ZMIZ1: variants seen among roughly 807,000 people sequenced by gnomAD.
ZMIZ1 encodes the protein zinc finger MIZ domain-containing protein 1.
A neutral mutation model predicts 113.9 loss-of-function variants in ZMIZ1; 17 were observed. The ratio of observed to expected loss-of-function variants is 0.15; its 90% CI spans 0.10 to 0.22. The LOEUF (loss-of-function observed/expected upper bound fraction) is 0.22, where lower values mean the gene tolerates loss of function less well. Ranked by LOEUF, ZMIZ1 falls within the 10% of genes least tolerant of loss-of-function variation. The pLI, the probability that ZMIZ1 is intolerant of heterozygous loss-of-function variation, is 1.00. For missense variants in ZMIZ1, 1,059 were observed against 1,477.8 expected, an observed-to-expected ratio of 0.72 and a Z score of 4.65; for synonymous variants, 607 against 603.1, an observed-to-expected ratio of 1.01 and a Z score of -0.09.
chr10:79,146,390 G>A (rs921533754), intron 3 of ZMIZ1, among the ~76,000 whole-genome samples: 6 of 152,172 alleles, frequency 3.9e-5, no homozygotes, highest in African/African-American at 7.2e-5. Flanking sequence ...AGGCAGAGCC[G>A]CTCCTGCTGA....
rs796775908 is a variant in ZMIZ1 at position 79,278,520 on chromosome 10, A to G, written c.425+1195A>G. ...TGGCAGGGTCATAGGACAATAGTGC[A>G]GGGAAGGTCAGCAGATAAACACGTG... is the stretch of plus-strand genomic sequence containing the variant. On this transcript the variant is annotated intron_variant, in intron 8 of 24. Transcript: ENST00000334512. Among the ~76,000 whole-genome samples the G allele has an allele frequency of 4.0e-5, 6 of 151,800 alleles. No individual in the cohort carries two copies. The South Asian group carries it at 8.3e-4, about 21-fold the overall frequency.
chr10:79,155,296 C>T lies in ZMIZ1; in HGVS notation c.-130-6757C>T, dbSNP rs529845029. On this transcript the variant is annotated intron_variant, in intron 3 of 24. Transcript: ENST00000334512. ...CTCTTTGATTGCTTGGAGGTGTTGG[C>T]TGGGGCAGTCGGGACAGCTTTCCCC... Among the ~76,000 whole-genome samples the T allele has an allele frequency of 6.2e-3, 948 of 152,318 alleles. 7 individuals are homozygous for T. Among genetic ancestry groups the T allele is most frequent in the Non-Finnish European group, 9.9e-3 (672 of 68,014 alleles).
rs1236510658 is a variant in ZMIZ1, at chr10:79,219,328, T to C, written c.280+3054T>C. ...CCCTGCTGGCACGTGCTGGGTGTTC[T>C]CATATGTTTTGTGGTGGTGCCAAGC... is the stretch of plus-strand genomic sequence containing the variant. On this transcript the variant is annotated intron_variant, in intron 7 of 24. Transcript: ENST00000334512. 3.3e-5 allele frequency among the ~76,000 whole-genome samples: 5 copies of C among 152,210 alleles called. No homozygotes were observed. In the South Asian group the frequency reaches 8.3e-4, roughly 25 times the overall value.
At chr10:79,272,122 T>TAC (rs976361928) in intron 7 of ZMIZ1, among the ~76,000 whole-genome samples, 6 of 151,932 alleles carry the variant, frequency 3.9e-5, no homozygotes, top group South Asian at 2.1e-4. Context: ...TATATATATA[T>TAC]ACACACACAC....
At chr10:79,161,258 A>C (rs1249691813) in intron 3 of ZMIZ1, among the ~76,000 whole-genome samples, 1 of 152,020 alleles carries the variant, frequency 6.6e-6, no homozygotes, top group Non-Finnish European at 1.5e-5. Flanking sequence ...TATTCCTCCA[A>C]GCCCTTCTCC....
intron 24 of ZMIZ1, among the ~76,000 whole-genome samples, chr10:79,311,708 G>A (rs984115077): frequency 2.6e-5 from 4 of 152,058 alleles, no homozygotes; most frequent in African/African-American, 9.7e-5. Flanking sequence ...GGGCAGCCTT[G>A]GGTCACAGCC....
chr10:79,286,435 C>G (rs1354634827), intron 8 of ZMIZ1, among the ~76,000 whole-genome samples: 1 of 152,250 alleles, frequency 6.6e-6, no homozygotes, highest in African/African-American at 2.4e-5. Flanking sequence ...TGAGATGAGT[C>G]ACGGTCCTGT....
intron 4 of ZMIZ1, among the ~76,000 whole-genome samples, chr10:79,191,555 G>A (rs1847603187): frequency 6.6e-6 from 1 of 152,224 alleles, no homozygotes; most frequent in African/African-American, 2.4e-5. Flanking sequence ...TCCTGGGAGA[G>A]GCTTGTGGCC....
chr10:79,275,623 G>A (rs917197792), intron 7 of ZMIZ1, among the ~76,000 whole-genome samples: 3 of 152,232 alleles, frequency 2.0e-5, no homozygotes, highest in African/African-American at 7.2e-5. Flanking sequence ...GCGTACAAGA[G>A]GCCTGAGGGG....
At chr10:79,193,529 G>A (rs1010280620) in intron 4 of ZMIZ1, among the ~76,000 whole-genome samples, 11 of 152,178 alleles carry the variant, frequency 7.2e-5, no homozygotes, top group African/African-American at 2.7e-4. Context: ...GCGTCCACCT[G>A]CCTGTTCACC....
chr10:79,208,132 G>C (rs1348127032), intron 5 of ZMIZ1, among the ~76,000 whole-genome samples: 1 of 136,458 alleles, frequency 7.3e-6, no homozygotes, highest in South Asian at 2.5e-4. Flanking sequence ...TGGAGGTGGG[G>C]GTGGGGGGGG....
At chr10:79,274,723 C>T (rs1395684716) in intron 7 of ZMIZ1, among the ~76,000 whole-genome samples, 2 of 152,242 alleles carry the variant, frequency 1.3e-5, no homozygotes, top group African/African-American at 2.4e-5. Flanking sequence ...TTGTGGCTGG[C>T]TGATCCACAT....
chr10:79,084,553 G>A (rs566380574), intron 1 of ZMIZ1, among the ~76,000 whole-genome samples: 39 of 152,266 alleles, frequency 2.6e-4, no homozygotes, highest in Non-Finnish European at 4.4e-4. Flanking sequence ...AAGTCACTTC[G>A]GACAGGCTCT....
Position 79,256,995 on chromosome 10 carries a change from T to G in ZMIZ1, c.281-20186T>G, listed in dbSNP as rs1217483478. ...GTCTTCAGGCTTCTATGTGAGTGCT[T>G]CTTCCTAGATGCTGTCTACAGCCTC... On this transcript the variant is annotated intron_variant, in intron 7 of 24. Transcript: ENST00000334512. Among the ~76,000 whole-genome samples, 14 of 152,338 alleles carry G rather than the reference T, an allele frequency of 9.2e-5. No individual in the cohort carries two copies. The East Asian group carries it at 2.5e-3, about 27-fold the overall frequency.
rs374020337 is a variant in ZMIZ1, at chr10:79,305,250, G to A, written c.2354+19G>A. The stretch of plus-strand genomic sequence containing the variant: ...TGTGCAAGTGAGTGATGCCCACCCC[G>A]GTGGGGGCTTCCCCCATCCCCCAAC... On this transcript the variant is annotated intron_variant, in intron 20 of 24. Coordinates refer to ENST00000334512, the MANE Select transcript of ZMIZ1 (RefSeq NM_020338.4). 121 of 1,613,514 alleles carry A rather than the reference G, an allele frequency of 7.5e-5. No individual in the cohort carries two copies. In the African/African-American group the frequency reaches 9.9e-4, roughly 13 times the overall value.
intron 4 of ZMIZ1, among the ~76,000 whole-genome samples, chr10:79,184,834 G>A (rs1309548228): frequency 1.3e-5 from 2 of 152,214 alleles, no homozygotes; most frequent in Non-Finnish European, 2.9e-5. Context: ...GGCCTTTGCT[G>A]ATCCATTGCT....
chr10:79,289,919 C>T (rs1564586267), intron 9 of ZMIZ1, 30 bp downstream of exon 9: 3 of 1,598,992 alleles, frequency 1.9e-6, no homozygotes, highest in Admixed American at 1.7e-5. Context: ...TCAGCCACAG[C>T]TCTTTCTAGG....
At chr10:79,285,631 A>C (rs1474048242) in intron 8 of ZMIZ1, 1 of 451,650 alleles carries the variant, frequency 2.2e-6, no homozygotes, top group African/African-American at 2.0e-5. Flanking sequence ...GGGTGAGTGC[A>C]GAGAGGTGGT....
chr10:79,287,095 C>T (rs1021130741), intron 8 of ZMIZ1, among the ~76,000 whole-genome samples: 5 of 152,206 alleles, frequency 3.3e-5, no homozygotes, highest in African/African-American at 1.2e-4. Context: ...CAGGGGATCT[C>T]CTCTTTGTTT....
Sources: allele counts gnomAD v4.1 joint callset (sites outside exome capture counted in the v4.1 genomes callset), GRCh38; gene constraint gnomAD v4.1.1; transcripts MANE v1.5; gene names NCBI Gene and HGNC (gene_info 2026-07-23, HGNC 2026-07-21).